MAGI2: variants seen among roughly 807,000 people sequenced by gnomAD.
MAGI2 encodes membrane associated guanylate kinase, WW and PDZ domain containing 2.
Under a neutral mutation model 133.3 loss-of-function variants are expected in MAGI2, and 35 were observed. The observed-to-expected ratio is 0.26, with a 90% confidence interval of 0.20 to 0.35. The LOEUF (loss-of-function observed/expected upper bound fraction) is 0.35. Ranked by LOEUF, MAGI2 falls within the 10% of genes least tolerant of loss-of-function variation. The pLI is 1.00. For synonymous variants in MAGI2, 729 were observed against 710.6 expected (o/e 1.03, Z -0.41); for missense variants, 1,636 against 1,863.4 (o/e 0.88, Z 2.25).
intron 2 of MAGI2, among the ~76,000 whole-genome samples, chr7:78,965,941 T>G (rs1803270071): frequency 6.6e-6 from 1 of 151,966 alleles, no homozygotes; most frequent in Non-Finnish European, 1.5e-5. Context: ...ATCCCTCACC[T>G]TTGTTTTACA....
chr7:78,287,998 CAAGAG>C (rs1310106828), intron 9 of MAGI2, among the ~76,000 whole-genome samples: 2 of 152,128 alleles, frequency 1.3e-5, no homozygotes, highest in Non-Finnish European at 2.9e-5. Flanking sequence ...ATCATTTAGA[CAAGAG>C]AAGAAGAAAT....
chr7:78,666,259 G>A (rs1267293638), intron 2 of MAGI2, among the ~76,000 whole-genome samples: 11 of 151,794 alleles, frequency 7.2e-5, no homozygotes, highest in Admixed American at 4.6e-4. Flanking sequence ...TTTTAGCAAC[G>A]CAAATATGGG....
intron 9 of MAGI2, among the ~76,000 whole-genome samples, chr7:78,292,368 A>G (rs1344135361): frequency 4.6e-5 from 7 of 152,196 alleles, no homozygotes; most frequent in Admixed American, 3.3e-4. Flanking sequence ...TAGGAATCCA[A>G]CTTACAAGGG....
At chr7:79,094,003 C>T (rs1817313462) in intron 1 of MAGI2, among the ~76,000 whole-genome samples, 2 of 152,106 alleles carry the variant, frequency 1.3e-5, no homozygotes, top group African/African-American at 4.8e-5. Flanking sequence ...GTGTGAGCCA[C>T]CTCACCTGGC....
chr7:79,077,168 G>C (rs1198714294), intron 1 of MAGI2, among the ~76,000 whole-genome samples: 1 of 152,116 alleles, frequency 6.6e-6, no homozygotes, highest in African/African-American at 2.4e-5. Flanking sequence ...AGGTGATTTT[G>C]TCCTAATTTT....
intron 6 of MAGI2, among the ~76,000 whole-genome samples, chr7:78,433,995 C>A (rs1000172415): frequency 6.6e-6 from 1 of 152,146 alleles, no homozygotes. Context: ...GATTACTATG[C>A]CATAGGAGGA....
chr7:79,300,532 C>G (rs1297695715), intron 1 of MAGI2, among the ~76,000 whole-genome samples: 6 of 152,100 alleles, frequency 3.9e-5, no homozygotes, highest in Admixed American at 1.3e-4. Flanking sequence ...AACCTATGCT[C>G]AGATGTGGGA....
chr7:79,451,218 C>G (rs1849219475), intron 1 of MAGI2, among the ~76,000 whole-genome samples: 1 of 152,138 alleles, frequency 6.6e-6, no homozygotes, highest in Non-Finnish European at 1.5e-5. Flanking sequence ...AATAGGGCAT[C>G]CGTTTGTGGG....
intron 1 of MAGI2, among the ~76,000 whole-genome samples, chr7:79,384,976 G>A (rs1364462364): frequency 6.6e-6 from 1 of 151,620 alleles, no homozygotes; most frequent in Non-Finnish European, 1.5e-5. Flanking sequence ...TAAAGGTATA[G>A]TTGTATTAAT....
intron 1 of MAGI2, among the ~76,000 whole-genome samples, chr7:79,358,157 T>C (rs1026557360): frequency 2.6e-5 from 4 of 152,214 alleles, no homozygotes; most frequent in South Asian, 2.1e-4. Context: ...GTTGTAGTTA[T>C]AGTAACTTTC....
chr7:79,180,947 C>T (rs1428067052), intron 1 of MAGI2, among the ~76,000 whole-genome samples: 1 of 151,968 alleles, frequency 6.6e-6, no homozygotes, highest in Non-Finnish European at 1.5e-5. Flanking sequence ...AAATGATCTC[C>T]TTTGACTTCA....
In MAGI2 at chr7:78,359,677, G is replaced by T. The variant is rs77408250; in HGVS notation, c.1103+9479C>A. Among the ~76,000 whole-genome samples the T allele has an allele frequency of 2.8e-3, 427 of 152,162 alleles. 3 individuals are homozygous for T. The highest frequency in any genetic ancestry group is 0.01 in the Middle Eastern group (3 of 294). On this transcript the variant is annotated intron_variant, in intron 7 of 21. Transcript: ENST00000354212. ...GATTGTTAAAATCATTAAAATAAAA[G>T]AATGGTAATATATGTTACTGTCCAA...
chr7:79,001,938 TAA>T lies in MAGI2; in HGVS notation c.418+5150_418+5151del, dbSNP rs1806898920. On this transcript the variant is annotated intron_variant, in intron 2 of 21. Coordinates refer to ENST00000354212, the MANE Select transcript of MAGI2 (RefSeq NM_012301.4). ...TTGAAATCCCATGTGATGGATGTTC[TAA>T]ACTCTTTCAAGACTTTTATCTATAT... Among the ~76,000 whole-genome samples, 7 of 152,318 alleles carry T rather than the reference TAA, an allele frequency of 4.6e-5. No homozygotes were observed. The South Asian group carries it at 1.4e-3, about 32-fold the overall frequency.
intron 1 of MAGI2, among the ~76,000 whole-genome samples, chr7:79,363,772 A>G (rs1842516042): frequency 6.6e-6 from 1 of 151,704 alleles, no homozygotes; most frequent in African/African-American, 2.4e-5. Context: ...GAGGGAAGAG[A>G]CAACCTATGG....
At chr7:78,961,778 A>G (rs1318638410) in intron 2 of MAGI2, among the ~76,000 whole-genome samples, 1 of 152,076 alleles carries the variant, frequency 6.6e-6, no homozygotes, top group Non-Finnish European at 1.5e-5. Context: ...TAGCTTAACA[A>G]AGGGGATATA....
intron 6 of MAGI2, among the ~76,000 whole-genome samples, chr7:78,383,245 C>T (rs1795087882): frequency 6.6e-6 from 1 of 152,044 alleles, no homozygotes; most frequent in African/African-American, 2.4e-5. Context: ...TACAACAGTT[C>T]CCTTTTCTCT....
intron 1 of MAGI2, among the ~76,000 whole-genome samples, chr7:79,132,145 A>T (rs1405656282): frequency 6.6e-6 from 1 of 152,132 alleles, no homozygotes; most frequent in Non-Finnish European, 1.5e-5. Flanking sequence ...CTGGCTTTTT[A>T]AAAATTTTTT....
At chr7:78,502,140 T>C (rs920904262) in intron 4 of MAGI2, among the ~76,000 whole-genome samples, 1 of 152,126 alleles carries the variant, frequency 6.6e-6, no homozygotes, top group Non-Finnish European at 1.5e-5. Context: ...CAAAAGATGA[T>C]CTGCAGATGT....
intron 7 of MAGI2, among the ~76,000 whole-genome samples, chr7:78,357,445 C>T (rs1314581769): frequency 6.6e-6 from 1 of 152,136 alleles, no homozygotes; most frequent in Non-Finnish European, 1.5e-5. Context: ...AAATAAATTA[C>T]TAAGCCACAC....
Sources: gnomAD v4.1 joint callset for allele counts (sites outside exome capture counted in the v4.1 genomes callset) on GRCh38, gnomAD v4.1.1 for gene constraint, MANE v1.5 for transcripts, NCBI Gene and HGNC (gene_info 2026-07-23, HGNC 2026-07-21) for gene names.